TTC3: variants seen among roughly 807,000 people sequenced by gnomAD.
TTC3 encodes tetratricopeptide repeat domain 3.
A neutral mutation model predicts 249.6 loss-of-function variants in TTC3; 180 were observed. That is an observed-to-expected ratio of 0.72 (90% CI 0.64 to 0.82). The LOEUF is 0.82. Ranked by LOEUF, TTC3 falls within the 40% of genes least tolerant of loss-of-function variation. The pLI is 0.00. For missense variants in TTC3, 2,061 were observed against 2,398.4 expected, an observed-to-expected ratio of 0.86 and a Z score of 2.94; for synonymous variants, 717 against 805.0, an observed-to-expected ratio of 0.89 and a Z score of 1.85.
At position 37,172,757 on chromosome 21, in the gene TTC3, GAA is replaced by G. The variant is rs1199229163; in HGVS notation, c.4617+15_4617+16del. The G allele has an allele frequency of 2.5e-6, 4 of 1,612,996 alleles. No individual in the cohort carries two copies. The highest frequency in any genetic ancestry group is 2.5e-6 in the Non-Finnish European group (3 of 1,179,516). Reference sequence around the variant, plus strand: ...AGAAGAAAACAAGGTAATCCTGTCTGAAACCTGTCTTTAATTGCATGTAGCAT... The same window carrying G: ...AGAAGAAAACAAGGTAATCCTGTCTGACCTGTCTTTAATTGCATGTAGCAT... On this transcript the variant is annotated intron_variant, in intron 35 of 45. Transcript: ENST00000355666.
chr21:37,157,225 T>G (rs1001698243), intron 28 of TTC3: 4 of 1,310,678 alleles, frequency 3.1e-6, no homozygotes, highest in African/African-American at 1.5e-5. Context: ...GTAAGTGGTT[T>G]GATTTATAGC....
chr21:37,134,174 G>A (rs955131006), intron 17 of TTC3, among the ~76,000 whole-genome samples: 9 of 152,020 alleles, frequency 5.9e-5, no homozygotes, highest in Non-Finnish European at 1.2e-4. Flanking sequence ...AGCAGAGGCC[G>A]GGTGCAGGGT....
At position 37,166,107 on chromosome 21, in the gene TTC3, C is replaced by T. The variant is rs755983805; in HGVS notation, c.3893C>T (p.Pro1298Leu). ...CGAGTCTCCTGTAATTCCCCCAAAC[C>T]GGTTCTTGAGGATGTGAAACCAACT... Residue 1298 changes from proline to leucine, a missense_variant, in exon 33 of 46, where the codon CCG becomes CTG. Physicochemically the swap from Pro to Leu is moderately conservative, Grantham distance 98. Coordinates refer to ENST00000355666, the Ensembl canonical transcript of TTC3. 9 of 1,614,046 alleles carry T rather than the reference C, an allele frequency of 5.6e-6. No individual in the cohort carries two copies. The highest frequency in any genetic ancestry group is 7.6e-6 in the Non-Finnish European group (9 of 1,180,030).
At chr21:37,191,790 T>C (rs1405595461) in intron 40 of TTC3, among the ~76,000 whole-genome samples, 4 of 152,320 alleles carry the variant, frequency 2.6e-5, no homozygotes, top group Middle Eastern at 3.4e-3. Flanking sequence ...GGTCTCTCCA[T>C]GTTGGTCAGG....
intron 35 of TTC3, among the ~76,000 whole-genome samples, chr21:37,173,369 A>G (rs1704452494): frequency 6.6e-6 from 1 of 152,212 alleles, no homozygotes; most frequent in Non-Finnish European, 1.5e-5. Flanking sequence ...CCTTAGACAT[A>G]CTAGAACTGT....
At chr21:37,189,729 A>G (rs1324760701) in intron 39 of TTC3, among the ~76,000 whole-genome samples, 1 of 151,484 alleles carries the variant, frequency 6.6e-6, no homozygotes, top group Non-Finnish European at 1.5e-5. Context: ...TTGTATTTTT[A>G]GTAGAGATGA....
chr21:37,121,039 G>T (rs1164876012), intron 11 of TTC3, among the ~76,000 whole-genome samples: 1 of 152,184 alleles, frequency 6.6e-6, no homozygotes, highest in African/African-American at 2.4e-5. Flanking sequence ...TGGGAATTTG[G>T]TTTGGGAGGA....
chr21:37,187,085 G>T (rs1392106407), exon 38 of TTC3: 22 of 1,567,536 alleles, frequency 1.4e-5, no homozygotes, highest in Non-Finnish European at 1.9e-5. Flanking sequence ...AAATAGAAGA[G>T]TATATAAAGA....
At chr21:37,160,659 G>A in intron 29 of TTC3, 143 bp from the exon 30 acceptor site, 1 of 774,966 alleles carries the variant, frequency 1.3e-6, no homozygotes, top group African/African-American at 1.8e-5. Flanking sequence ...CACTTGGGCT[G>A]ATACACTGTA....
chr21:37,075,333 C>T lies in TTC3; in HGVS notation c.-12+1969C>T, dbSNP rs181041041. Among the ~76,000 whole-genome samples, 476 of 152,268 alleles carry T rather than the reference C, an allele frequency of 3.1e-3. 2 individuals carry two copies. Among genetic ancestry groups the T allele is most frequent in the African/African-American group, 0.011 (461 of 41,538 alleles). On this transcript the variant is annotated intron_variant, in intron 1 of 45. Coordinates refer to ENST00000355666, the Ensembl canonical transcript of TTC3. The stretch of plus-strand genomic sequence containing the variant: ...CTGTTGATAGACTTTGAACTTGTTT[C>T]AGTTTTTGACTCTTAAAAACAGTCC...
At chr21:37,115,144 C>A in intron 11 of TTC3, among the ~76,000 whole-genome samples, 1 of 147,666 alleles carries the variant, frequency 6.8e-6, no homozygotes, top group Admixed American at 6.7e-5. Context: ...CAAACCTGCA[C>A]GTTGTGCACA....
chr21:37,146,043 C>T (rs995635619), intron 21 of TTC3, among the ~76,000 whole-genome samples: 1 of 152,182 alleles, frequency 6.6e-6, no homozygotes, highest in African/African-American at 2.4e-5. Context: ...GAAAGGAAAA[C>T]ATGTTCTCAC....
At chr21:37,166,194 A>G in exon 33 of TTC3, 2 of 1,614,092 alleles carry the variant, frequency 1.2e-6, no homozygotes, top group Non-Finnish European at 1.7e-6. Context: ...CAGAGATTTG[A>G]TATCACCCAG....
chr21:37,138,738 A>G (rs1310528892), intron 19 of TTC3, 24 bp downstream of exon 19: 1 of 1,498,022 alleles, frequency 6.7e-7, no homozygotes. Flanking sequence ...CAGTGGTAAT[A>G]AACAATTAAA....
intron 18 of TTC3, among the ~76,000 whole-genome samples, chr21:37,136,511 A>G (rs1049185588): frequency 2.0e-5 from 3 of 152,252 alleles, no homozygotes; most frequent in African/African-American, 7.2e-5. Flanking sequence ...CTCTTAAGCC[A>G]GAGCCTAATC....
rs746863743 is a variant in TTC3 at position 37,165,743 on chromosome 21, C to T, written c.3529C>T (p.Arg1177Trp). The change falls in exon 33 of 46, where the codon CGG becomes TGG. Residue 1177 changes from arginine to tryptophan, a missense_variant. Arg to Trp is a moderately radical substitution (Grantham distance 101, BLOSUM62 -3). This residue lies in a region of TTC3 where 1,040 missense variants were observed against 1,186.1 expected (regional missense o/e 0.88). Coordinates refer to ENST00000355666, the Ensembl canonical transcript of TTC3. ...TATTGCACTGAAGAAGGTTGCATCA[C>T]GGCTCAAGAAAAAAAGGAAGAAGAA... 11 of 1,612,940 alleles carry T rather than the reference C, an allele frequency of 6.8e-6. No individual in the cohort carries two copies. Among genetic ancestry groups the T allele is most frequent in the African/African-American group, 2.7e-5 (2 of 74,712 alleles).
chr21:37,149,507 T>C (rs1406802317), intron 23 of TTC3, among the ~76,000 whole-genome samples: 1 of 152,228 alleles, frequency 6.6e-6, no homozygotes, highest in African/African-American at 2.4e-5. Context: ...ATACCCTCTT[T>C]TAGTGGTCTT....
chr21:37,147,308 C>G (rs571788029), intron 21 of TTC3, among the ~76,000 whole-genome samples, 173 bp from the exon 22 acceptor site: 8 of 152,128 alleles, frequency 5.3e-5, no homozygotes, highest in Admixed American at 5.2e-4. Context: ...CTCTTATCAG[C>G]CTTCCTTTTA....
At chr21:37,091,434 T>C (rs2073247994) in intron 7 of TTC3, 21 bp downstream of exon 7, 7 of 1,586,118 alleles carry the variant, frequency 4.4e-6, no homozygotes, top group South Asian at 1.2e-5. Context: ...ATGCTTTAAA[T>C]TGTTACTTGA....
Sources: allele counts gnomAD v4.1 joint callset (sites outside exome capture counted in the v4.1 genomes callset), GRCh38; gene constraint gnomAD v4.1.1; regional missense constraint gnomAD v4.1.1; transcripts MANE v1.5; gene names NCBI Gene and HGNC (gene_info 2026-07-23, HGNC 2026-07-21).